EMC3: variants seen among roughly 807,000 people sequenced by gnomAD.
The protein encoded by EMC3 is ER membrane protein complex subunit 3.
Under a neutral mutation model 36.6 loss-of-function variants are expected in EMC3, and 13 were observed. The ratio of observed to expected loss-of-function variants is 0.35; its 90% CI spans 0.23 to 0.56. The LOEUF (loss-of-function observed/expected upper bound fraction) is 0.56, where lower values mean the gene tolerates loss of function less well. EMC3 is among the 20% of genes least tolerant of loss of function. The pLI, the probability that EMC3 is intolerant of heterozygous loss-of-function variation, is 0.84. For missense variants in EMC3, 220 were observed against 324.5 expected, an observed-to-expected ratio of 0.68 and a Z score of 2.47; for synonymous variants, 120 against 111.9, an observed-to-expected ratio of 1.07 and a Z score of -0.46.
chr3:9,968,840 C>T (rs1482815895), intron 7 of EMC3: 1 of 136,622 alleles, frequency 7.3e-6, no homozygotes, highest in African/African-American at 3.0e-5. Context: ...TTTTTTGAGA[C>T]AGAGTTTTGC....
chr3:9,972,489 G>C (rs1169358488), intron 5 of EMC3, among the ~76,000 whole-genome samples: 1 of 140,040 alleles, frequency 7.1e-6, no homozygotes, highest in Non-Finnish European at 1.5e-5. Flanking sequence ...AAAAAACTCT[G>C]GCCAGGCGTG....
intron 1 of EMC3, among the ~76,000 whole-genome samples, chr3:10,001,405 C>CAAAA (rs60785369): frequency 5.0e-5 from 4 of 79,650 alleles, no homozygotes; most frequent in Non-Finnish European, 8.2e-5. Context: ...GCTAAAAATA[C>CAAAA]AAAAAAAAAA....
intron 1 of EMC3, chr3:10,003,229 G>T (rs1237677025): frequency 2.2e-6 from 1 of 456,708 alleles, no homozygotes; most frequent in South Asian, 1.5e-5. Flanking sequence ...ATCCCAGGAA[G>T]CCAGTGTCAT....
intron 1 of EMC3, among the ~76,000 whole-genome samples, chr3:9,995,282 C>CT (rs1179287822): frequency 6.6e-6 from 1 of 151,444 alleles, no homozygotes; most frequent in Middle Eastern, 3.2e-3. Context: ...TGAGTGGCAT[C>CT]TTTTTGAGGA....
At chr3:10,004,879 A>T (rs1333557245) in intron 1 of EMC3, 1 of 152,310 alleles carries the variant, frequency 6.6e-6, no homozygotes, top group African/African-American at 2.4e-5. Flanking sequence ...GCCTTAGCCT[A>T]GCTAGCACAG....
chr3:9,966,041 T>C (rs2085733431), intron 7 of EMC3, among the ~76,000 whole-genome samples: 1 of 152,124 alleles, frequency 6.6e-6, no homozygotes, highest in Non-Finnish European at 1.5e-5. Flanking sequence ...AAGAGTGAAA[T>C]TACTGGATCA....
Position 9,982,704 on chromosome 3 carries a change from G to C in EMC3, c.155+3803C>G, listed in dbSNP as rs141390369. 2.8e-3 allele frequency among the ~76,000 whole-genome samples: 429 copies of C among 152,026 alleles called. 6 individuals are homozygous for C. In the South Asian group the frequency reaches 0.029, roughly 10 times the overall value. On this transcript the variant is annotated intron_variant, in intron 1 of 7. Transcript: ENST00000245046. ...GGAGTTTGAGACCGGCCTGGGCAAC[G>C]GAGGAGACCCCATCTTTGCAAAAAA...
intron 1 of EMC3, chr3:10,009,741 A>C (rs2086303527): frequency 6.6e-6 from 1 of 152,324 alleles, no homozygotes; most frequent in South Asian, 2.1e-4. Flanking sequence ...TTGGCAAAGG[A>C]AGGGGCGGGT....
chr3:9,974,000 A>G (rs1157215362), intron 4 of EMC3, among the ~76,000 whole-genome samples: 2 of 152,362 alleles, frequency 1.3e-5, no homozygotes, highest in African/African-American at 4.8e-5. Flanking sequence ...AGTGGAATAT[A>G]TAAGCATAGA....
Position 10,003,930 on chromosome 3 carries a change from G to A in EMC3, c.-242+7093C>T, listed in dbSNP as rs141121315. On this transcript the variant is annotated intron_variant, in intron 1 of 8. Transcript: ENST00000470827. ...CATCATCCTTGATGAGGACGGTAAC[G>A]TTAAGATCGCAGACTTCGGCTTTGG... 3.6e-3 allele frequency: 551 copies of A among 152,884 alleles called. 12 individuals are homozygous for A. The South Asian group carries it at 0.047, about 13-fold the overall frequency. 9.5% of individuals were successfully genotyped at this position (152,884 alleles called of 1,614,324 possible).
chr3:9,964,228 G>A (rs1371037235), intron 7 of EMC3, 31 bp from the exon 8 acceptor site: 1 of 1,610,764 alleles, frequency 6.2e-7, no homozygotes, highest in African/African-American at 1.3e-5. Flanking sequence ...CAGGCAGGAA[G>A]AGAGGGAATT....
At chr3:9,988,732 A>C, upstream of EMC3, 2 of 1,525,484 alleles carry the variant, frequency 1.3e-6, no homozygotes, top group Non-Finnish European at 9.0e-7. Flanking sequence ...ACACTGCCTC[A>C]GTATCTGAAC....
At chr3:10,007,606 C>G (rs749007472) in intron 1 of EMC3, 6 of 1,366,602 alleles carry the variant, frequency 4.4e-6, no homozygotes, top group Non-Finnish European at 4.9e-6. Flanking sequence ...GGGTTGATGG[C>G]AAGACACAGC....
intron 1 of EMC3, among the ~76,000 whole-genome samples, chr3:9,996,140 G>A (rs1378549085): frequency 6.6e-6 from 1 of 152,182 alleles, no homozygotes; most frequent in Admixed American, 6.6e-5. Context: ...AACTTCACGT[G>A]GGCTTGCTTT....
intron 1 of EMC3, chr3:10,007,404 A>G: frequency 1.5e-6 from 2 of 1,350,562 alleles, no homozygotes; most frequent in South Asian, 2.4e-5. Flanking sequence ...TGCTGGGGTC[A>G]GTGGCGGGGT....
rs1358367581 is a variant in EMC3 at position 9,982,240 on chromosome 3, A to G, written c.155+4267T>C. 3.3e-5 allele frequency among the ~76,000 whole-genome samples: 5 copies of G among 150,678 alleles called. No homozygotes were observed. In the East Asian group the frequency reaches 9.9e-4, roughly 30 times the overall value. The stretch of plus-strand genomic sequence containing the variant: ...GCTGGGATTACAGGCTTGAGCCACC[A>G]TACCTGGTGCAAATGGAAATTTTCT... On this transcript the variant is annotated intron_variant, in intron 1 of 7. Transcript: ENST00000245046.
In EMC3 at chr3:9,963,477, A is replaced by ATATTTTTTTT. The variant is rs61596273; in HGVS notation, c.*591_*592insAAAAAAAATA. On this transcript the variant is annotated 3_prime_UTR_variant, in exon 8 of 8. Coordinates refer to ENST00000245046, the MANE Select transcript of EMC3 (RefSeq NM_001394674.1). Reference sequence around the variant, plus strand: ...TAGATATATATATATATATATATATATTTTTTTTTTTTTTTCAGATGGAGT... The same window carrying ATATTTTTTTT: ...TAGATATATATATATATATATATATATATTTTTTTTTTTTTTTTTTTTTTTCAGATGGAGT... 4 of 88,926 alleles carry ATATTTTTTTT rather than the reference A, an allele frequency of 4.5e-5. No individual in the cohort carries two copies. Among genetic ancestry groups the ATATTTTTTTT allele is most frequent in the African/African-American group, 4.7e-5 (1 of 21,328 alleles). The allele number at this position is 88,926 out of a possible 1,614,324, so 5.5% of individuals were successfully genotyped here. A position where few individuals can be genotyped will look rare whatever the true frequency, so the allele number is the denominator to read the frequency against.
intron 1 of EMC3, chr3:10,006,890 G>C: frequency 2.9e-6 from 1 of 350,168 alleles, no homozygotes. Flanking sequence ...AGCTGGGCGA[G>C]GCGCCCAGGT....
intron 2 of EMC3, 35 bp from the exon 3 acceptor site, chr3:9,977,085 G>C (rs1213304823): frequency 6.8e-7 from 1 of 1,473,778 alleles, no homozygotes; most frequent in Non-Finnish European, 9.4e-7. Flanking sequence ...TTAAGTCTAA[G>C]AACTATGACA....
Sources: allele counts gnomAD v4.1 joint callset (sites outside exome capture counted in the v4.1 genomes callset), GRCh38; gene constraint gnomAD v4.1.1; transcripts MANE v1.5; gene names NCBI Gene and HGNC (gene_info 2026-07-23, HGNC 2026-07-21).